HECTD2: variants seen among roughly 807,000 people sequenced by gnomAD.
HECTD2 encodes the protein HECT domain E3 ubiquitin protein ligase 2.
HECTD2 carries 35 observed loss-of-function variants against 103.2 expected under a neutral mutation model. The observed-to-expected ratio is 0.34, with a 90% confidence interval of 0.26 to 0.45. The LOEUF (loss-of-function observed/expected upper bound fraction) is 0.45, where lower values mean the gene tolerates loss of function less well. Among genes scored for constraint, HECTD2 ranks in the 20% least tolerant of loss-of-function variants. The pLI, the probability that HECTD2 is intolerant of heterozygous loss-of-function variation, is 1.00. For synonymous variants in HECTD2, 281 were observed against 329.9 expected (o/e 0.85, Z 1.61); for missense variants, 596 against 937.4 (o/e 0.64, Z 4.76).
At chr10:91,456,677 A>G (rs957418843) in intron 2 of HECTD2, among the ~76,000 whole-genome samples, 2 of 152,122 alleles carry the variant, frequency 1.3e-5, no homozygotes, top group Non-Finnish European at 2.9e-5. Flanking sequence ...GAATGCTTCC[A>G]GTTTTTGCCC....
chr10:91,513,392 T>C lies in HECTD2; in HGVS notation c.*1008T>C, dbSNP rs1312234353. 6.6e-6 allele frequency: 1 copy of C among 152,614 alleles called. No individual in the cohort carries two copies. The highest frequency in any genetic ancestry group is 1.5e-5 in the Non-Finnish European group (1 of 68,016). 9.5% of individuals were successfully genotyped at this position (152,614 alleles called of 1,614,324 possible). A position where few individuals can be genotyped will look rare whatever the true frequency, so the allele number is the denominator to read the frequency against. ...GGTTAAAGTATTTGACAAAAGTGAATACAATAATAACACTTGTGTCAAAAT... is the reference window on the plus strand; with the variant it reads ...GGTTAAAGTATTTGACAAAAGTGAACACAATAATAACACTTGTGTCAAAAT... On this transcript the variant is annotated 3_prime_UTR_variant, in exon 21 of 21. Transcript: ENST00000298068.
intron 15 of HECTD2, 41 bp downstream of exon 15, chr10:91,496,413 A>G: frequency 6.9e-7 from 1 of 1,457,762 alleles, no homozygotes. Flanking sequence ...TTAATGCGAA[A>G]TCATCTTTTT....
chr10:91,501,332 C>A lies in HECTD2; in HGVS notation c.2208C>A (p.Asn736Lys), dbSNP rs551967410. The change falls in exon 20 of 21, where the codon AAC (asparagine) becomes AAA (lysine). Residue 736 changes from asparagine to lysine, a missense_variant and splice_region_variant. By Grantham distance (94) the Asn-to-Lys change is moderately conservative. This residue lies in a region of HECTD2 where 69 missense variants were observed against 153.8 expected (regional missense o/e 0.45). Coordinates refer to ENST00000298068, the MANE Select transcript of HECTD2 (RefSeq NM_182765.6). ...TCTCAAAGAATGAAACTTCTACTAA[C>A]TGGTAAATTTCTGGATCTAATTTTA... is the stretch of plus-strand genomic sequence containing the variant. ...FKISKNETST[N>K]CLPVAHTCFN... 4 of 1,577,778 alleles carry A rather than the reference C, an allele frequency of 2.5e-6. No homozygotes were observed. The East Asian group carries it at 9.0e-5, about 36-fold the overall frequency.
At chr10:91,451,134 A>G (rs879827366) in intron 2 of HECTD2, among the ~76,000 whole-genome samples, 5 of 152,216 alleles carry the variant, frequency 3.3e-5, no homozygotes, top group Non-Finnish European at 5.9e-5. Flanking sequence ...ATGCCCGTCA[A>G]TGATAGACTG....
chr10:91,480,321 T>C (rs1237608307), intron 6 of HECTD2, among the ~76,000 whole-genome samples: 2 of 152,106 alleles, frequency 1.3e-5, no homozygotes, highest in African/African-American at 2.4e-5. Flanking sequence ...ATAGGTGATA[T>C]ATACAAATAG....
At chr10:91,456,429 A>G (rs1845096620) in intron 2 of HECTD2, among the ~76,000 whole-genome samples, 1 of 152,144 alleles carries the variant, frequency 6.6e-6, no homozygotes, top group African/African-American at 2.4e-5. Flanking sequence ...TGATTTTTGT[A>G]TCCTGAGACT....
chr10:91,467,698 A>G (rs1347178092), intron 5 of HECTD2, among the ~76,000 whole-genome samples: 2 of 149,326 alleles, frequency 1.3e-5, no homozygotes, highest in East Asian at 2.0e-4. Context: ...GTCCACAGCC[A>G]CCTTCCCACT....
rs556089163 is a variant in HECTD2, at chr10:91,487,583, A to C, written c.1095-99A>C. ...ATATGGTAAAACACAATCCAAAAGTAATGTTTTATATTGCTACAAGGGGTA... is the reference window on the plus strand; with the variant it reads ...ATATGGTAAAACACAATCCAAAAGTCATGTTTTATATTGCTACAAGGGGTA... On this transcript the variant is annotated intron_variant, in intron 10 of 20. Transcript: ENST00000298068. The surrounding 1 kb of genome is among the most constrained non-coding windows in gnomAD (Gnocchi z 4.1). 4 of 789,206 alleles carry C rather than the reference A, an allele frequency of 5.1e-6. No homozygotes were observed. The highest frequency in any genetic ancestry group is 4.1e-5 in the South Asian group (3 of 73,052). The allele number at this position is 789,206 out of a possible 1,614,324, so 48.9% of individuals were successfully genotyped here. A position where few individuals can be genotyped will look rare whatever the true frequency, so the allele number is the denominator to read the frequency against.
chr10:91,428,732 C>G (rs1370035517), intron 2 of HECTD2, among the ~76,000 whole-genome samples: 3 of 151,756 alleles, frequency 2.0e-5, no homozygotes, highest in African/African-American at 7.3e-5. Flanking sequence ...GATTTTGTAT[C>G]CTGAGACTTT....
chr10:91,429,423 C>G (rs952347733), intron 2 of HECTD2, among the ~76,000 whole-genome samples: 4 of 151,928 alleles, frequency 2.6e-5, no homozygotes, highest in Non-Finnish European at 5.9e-5. Flanking sequence ...CCCTCTTTTT[C>G]TATTCATTGG....
chr10:91,456,354 A>T (rs9732191), intron 2 of HECTD2, among the ~76,000 whole-genome samples: 30,410 of 151,924 alleles, frequency 0.2, 7,221 homozygotes, highest in African/African-American at 0.58. Flanking sequence ...ATGGGAGTTC[A>T]CTCATGATTT....
In HECTD2 at chr10:91,445,566, T is replaced by C. The variant is rs549392542; in HGVS notation, c.269-14861T>C. ...TCCCTGGGCCTCAGTTTAGACATTA[T>C]ACAATGAAAGAAGAGGGAGTGGCTG... On this transcript the variant is annotated intron_variant, in intron 2 of 20. Transcript: ENST00000298068. 3.9e-5 allele frequency among the ~76,000 whole-genome samples: 6 copies of C among 152,222 alleles called. No individual in the cohort carries two copies. The South Asian group carries it at 1.0e-3, about 26-fold the overall frequency.
chr10:91,465,525 A>G (rs1166994009), intron 5 of HECTD2, among the ~76,000 whole-genome samples: 1 of 151,612 alleles, frequency 6.6e-6, no homozygotes. Context: ...TGGATCATCT[A>G]GTATCTCACC....
At chr10:91,445,786 G>C (rs1045185461) in intron 2 of HECTD2, among the ~76,000 whole-genome samples, 1 of 152,122 alleles carries the variant, frequency 6.6e-6, no homozygotes, top group Admixed American at 6.6e-5. Context: ...CAAGGGATCA[G>C]AGAAATCCCT....
intron 2 of HECTD2, among the ~76,000 whole-genome samples, chr10:91,454,807 A>T (rs1373644912): frequency 6.6e-6 from 1 of 151,162 alleles, no homozygotes; most frequent in African/African-American, 2.4e-5. Flanking sequence ...CCTGTGAGTG[A>T]GAACATGCGG....
At chr10:91,474,914 G>A (rs1024098327) in intron 5 of HECTD2, among the ~76,000 whole-genome samples, 2 of 152,160 alleles carry the variant, frequency 1.3e-5, no homozygotes, top group Non-Finnish European at 2.9e-5. Context: ...GAAACCATGA[G>A]AAGATCTGTG....
At chr10:91,431,612 C>T (rs575936015) in intron 2 of HECTD2, among the ~76,000 whole-genome samples, 1 of 151,930 alleles carries the variant, frequency 6.6e-6, no homozygotes, top group African/African-American at 2.4e-5. Context: ...CTTCCCTTCT[C>T]ACTTCATTTC....
intron 14 of HECTD2, among the ~76,000 whole-genome samples, chr10:91,494,606 T>C (rs1379265933): frequency 6.6e-6 from 1 of 152,068 alleles, no homozygotes; most frequent in Non-Finnish European, 1.5e-5. Context: ...AACTACACAT[T>C]AAGATAGTAA....
chr10:91,417,522 C>A (rs896990723), intron 1 of HECTD2, among the ~76,000 whole-genome samples: 4 of 151,960 alleles, frequency 2.6e-5, no homozygotes, highest in Admixed American at 2.6e-4. Context: ...CCCTCCCCGC[C>A]CCCCCACAAC....
Sources: gnomAD v4.1 joint callset for allele counts (sites outside exome capture counted in the v4.1 genomes callset) on GRCh38, gnomAD v4.1.1 for gene constraint, gnomAD v4.1.1 regional missense constraint, Gnocchi (gnomAD v3.1) non-coding constraint, MANE v1.5 for transcripts, NCBI Gene and HGNC (gene_info 2026-07-23, HGNC 2026-07-21) for gene names.